L3MBTL4: variants seen among roughly 807,000 people sequenced by gnomAD.
The protein encoded by L3MBTL4 is L3MBTL histone methyl-lysine binding protein 4.
In L3MBTL4, 70 loss-of-function variants were observed where a neutral mutation model predicts 84.5. The ratio of observed to expected loss-of-function variants is 0.83; its 90% CI spans 0.68 to 1.01. L3MBTL4 has a LOEUF of 1.01. L3MBTL4 is among the 50% of genes least tolerant of loss of function. The pLI, the probability that L3MBTL4 is intolerant of heterozygous loss-of-function variation, is 0.00. For missense variants in L3MBTL4, 715 were observed against 754.8 expected (o/e 0.95, Z 0.62); for synonymous variants, 274 against 259.8 (o/e 1.05, Z -0.52).
rs548851883 is a variant in L3MBTL4, at chr18:6,031,439, T to C, written c.1444+49442A>G. On this transcript the variant is annotated intron_variant, in intron 16 of 18. Coordinates refer to ENST00000317931, the MANE Select transcript of L3MBTL4 (RefSeq NM_001330559.2). ...TTCTGAACATTTATAAGTTGCGAGG[T>C]GGGACCATTCTTTGCCTCTTGAGAA... is the stretch of plus-strand genomic sequence containing the variant. 8 of 985,468 alleles carry C rather than the reference T, an allele frequency of 8.1e-6. No homozygotes were observed. In the African/African-American group the frequency reaches 1.4e-4, roughly 17 times the overall value. The allele number at this position is 985,468 out of a possible 1,614,324, so 61.0% of individuals were successfully genotyped here. A position where few individuals can be genotyped will look rare whatever the true frequency, so the allele number is the denominator to read the frequency against.
intron 4 of L3MBTL4, among the ~76,000 whole-genome samples, chr18:6,273,986 T>C (rs536660881): frequency 2.0e-5 from 3 of 152,226 alleles, no homozygotes; most frequent in East Asian, 1.9e-4. Context: ...GAAACTGTGA[T>C]TGGGACCAGC....
intron 12 of L3MBTL4, among the ~76,000 whole-genome samples, chr18:6,206,191 C>A (rs2045868100): frequency 6.6e-6 from 1 of 152,128 alleles, no homozygotes; most frequent in Non-Finnish European, 1.5e-5. Context: ...GTCCATTAAC[C>A]CTTGAAACAC....
intron 13 of L3MBTL4, among the ~76,000 whole-genome samples, chr18:6,145,096 C>T (rs1456799226): frequency 6.6e-6 from 1 of 152,026 alleles, no homozygotes; most frequent in East Asian, 1.9e-4. Flanking sequence ...AAGCAATTGT[C>T]CTTAAAAGAA....
At chr18:5,979,793 C>T (rs543395382) in intron 16 of L3MBTL4, among the ~76,000 whole-genome samples, 5 of 152,184 alleles carry the variant, frequency 3.3e-5, no homozygotes, top group Non-Finnish European at 7.3e-5. Flanking sequence ...CTCTGTGTTG[C>T]AATACTCAGC....
intron 3 of L3MBTL4, 95 bp downstream of exon 3, chr18:6,311,458 AG>A (rs2050826452): frequency 4.2e-6 from 4 of 954,956 alleles, no homozygotes; most frequent in Non-Finnish European, 6.7e-6. Flanking sequence ...GTGACTGAAA[AG>A]CCCCTGAGTG....
intron 14 of L3MBTL4, among the ~76,000 whole-genome samples, chr18:6,123,823 C>A (rs12458300): frequency 0.35 from 52,566 of 152,050 alleles, 10,132 homozygotes; most frequent in East Asian, 0.52. Flanking sequence ...TCTTAAATTA[C>A]TTTTAGTTAA....
intron 17 of L3MBTL4, among the ~76,000 whole-genome samples, chr18:5,968,484 G>A (rs537268079): frequency 1.3e-5 from 2 of 152,150 alleles, no homozygotes; most frequent in Admixed American, 1.3e-4. Context: ...AACCGCTTGA[G>A]GCCAGGAGTT....
intron 12 of L3MBTL4, among the ~76,000 whole-genome samples, chr18:6,175,218 T>C (rs1019003682): frequency 1.8e-4 from 28 of 152,070 alleles, no homozygotes; most frequent in African/African-American, 6.5e-4. Flanking sequence ...AGAGCCACGA[T>C]GGGAAAGTGG....
intron 16 of L3MBTL4, among the ~76,000 whole-genome samples, chr18:6,045,424 C>T (rs2056571423): frequency 6.6e-6 from 1 of 152,084 alleles, no homozygotes; most frequent in Admixed American, 6.6e-5. Context: ...AAGGACATAC[C>T]TGAGACTGGG....
intron 4 of L3MBTL4, among the ~76,000 whole-genome samples, chr18:6,299,468 G>T (rs1005713704): frequency 3.9e-5 from 6 of 152,166 alleles, no homozygotes; most frequent in Admixed American, 2.0e-4. Flanking sequence ...CTAGATGTGG[G>T]TTCAAATTCT....
chr18:6,266,655 T>C (rs1048709584), intron 4 of L3MBTL4, among the ~76,000 whole-genome samples: 4 of 152,348 alleles, frequency 2.6e-5, no homozygotes, highest in Admixed American at 2.6e-4. Flanking sequence ...CCAGGTGCAG[T>C]GGCTTACACC....
chr18:6,071,831 A>AG, intron 16 of L3MBTL4, among the ~76,000 whole-genome samples: 1 of 123,410 alleles, frequency 8.1e-6, no homozygotes, highest in Non-Finnish European at 1.6e-5. Flanking sequence ...AAAGAAAGAA[A>AG]GAAAGAGAAA....
chr18:6,338,325 A>G (rs1387896583), intron 1 of L3MBTL4, among the ~76,000 whole-genome samples: 1 of 152,084 alleles, frequency 6.6e-6, no homozygotes, highest in Non-Finnish European at 1.5e-5. Context: ...AAAAGAAATG[A>G]AAACAACAAA....
intron 14 of L3MBTL4, among the ~76,000 whole-genome samples, chr18:6,127,002 T>C (rs1247673349): frequency 6.6e-6 from 1 of 152,216 alleles, no homozygotes. Flanking sequence ...ACTGAGGTGC[T>C]TTCCTGGCAT....
At chr18:6,246,376 A>C (rs2047667237) in intron 5 of L3MBTL4, among the ~76,000 whole-genome samples, 1 of 152,180 alleles carries the variant, frequency 6.6e-6, no homozygotes, top group Non-Finnish European at 1.5e-5. Context: ...TTCACAGCAG[A>C]CTTCCTAATT....
intron 13 of L3MBTL4, among the ~76,000 whole-genome samples, chr18:6,155,463 G>A (rs2043063351): frequency 6.6e-6 from 1 of 152,128 alleles, no homozygotes; most frequent in African/African-American, 2.4e-5. Context: ...TCCTGTGAGT[G>A]GGCCATAGAA....
intron 1 of L3MBTL4, among the ~76,000 whole-genome samples, chr18:6,362,488 C>T (rs1483722707): frequency 6.6e-6 from 1 of 152,208 alleles, no homozygotes; most frequent in Non-Finnish European, 1.5e-5. Flanking sequence ...TCCCCAGCCA[C>T]CTGGGTCTAG....
chr18:5,968,231 A>G (rs1329516021), intron 17 of L3MBTL4, among the ~76,000 whole-genome samples: 2 of 152,246 alleles, frequency 1.3e-5, no homozygotes, highest in Non-Finnish European at 1.5e-5. Context: ...AGAGTGACCC[A>G]GGGTTTTCCT....
At chr18:6,063,972 T>C (rs576582165) in intron 16 of L3MBTL4, among the ~76,000 whole-genome samples, 105 of 151,994 alleles carry the variant, frequency 6.9e-4, no homozygotes, top group African/African-American at 2.5e-3. Context: ...TTATCTTCTA[T>C]AATTTTTATG....
Sources: allele counts gnomAD v4.1 joint callset (sites outside exome capture counted in the v4.1 genomes callset), GRCh38; gene constraint gnomAD v4.1.1; transcripts MANE v1.5; gene names NCBI Gene and HGNC (gene_info 2026-07-23, HGNC 2026-07-21).